The following MLIP variants were observed in gnomAD, a reference collection of about 807,000 sequenced individuals.
The protein encoded by MLIP is muscular LMNA interacting protein.
In MLIP, 79 loss-of-function variants were observed where a neutral mutation model predicts 84.8. That is an observed-to-expected ratio of 0.93 (90% CI 0.78 to 1.12). MLIP has a LOEUF of 1.12. Among genes scored for constraint, MLIP ranks in the 50% most tolerant of loss-of-function variants. MLIP has a pLI of 0.00. For missense variants in MLIP, 1,257 were observed against 1,160.6 expected, an observed-to-expected ratio of 1.08 and a Z score of -1.21; for synonymous variants, 504 against 463.0, an observed-to-expected ratio of 1.09 and a Z score of -1.14.
intron 9 of MLIP, among the ~76,000 whole-genome samples, chr6:54,175,169 A>T (rs1776160396): frequency 1.3e-5 from 2 of 151,488 alleles, no homozygotes; most frequent in Non-Finnish European, 3.0e-5. Context: ...CAGAATTTGG[A>T]GTCAGATAAT....
At chr6:54,120,976 A>G (rs1345927803) in intron 1 of MLIP, among the ~76,000 whole-genome samples, 1 of 152,208 alleles carries the variant, frequency 6.6e-6, no homozygotes, top group Non-Finnish European at 1.5e-5. Flanking sequence ...TCTGATAGGC[A>G]TACTTTCAAC....
At chr6:54,252,251 A>G (rs1235590078) in intron 12 of MLIP, among the ~76,000 whole-genome samples, 1 of 113,234 alleles carries the variant, frequency 8.8e-6, no homozygotes, top group African/African-American at 3.8e-5. Flanking sequence ...TAAGTATAAT[A>G]TATTATAACA....
In MLIP at chr6:54,189,886, C is replaced by G. The variant is rs1458468334; in HGVS notation, c.2561C>G (p.Pro854Arg). The change falls in exon 10 of 14, where the codon CCA becomes CGA. Residue 854 changes from proline (P) to arginine (R), a missense_variant. Transcript: ENST00000502396. ...RETKYANLSS[P>R]SSTVSESQLT... ...GTTTTGCAGGCAAATCTCTCCTCAC[C>G]ATCTTCTACAGTATCTGAGAGTCAG... is the stretch of plus-strand genomic sequence containing the variant. 3 of 1,603,018 alleles carry G rather than the reference C, an allele frequency of 1.9e-6. No individual in the cohort carries two copies. Among genetic ancestry groups the G allele is most frequent in the Admixed American group, 3.3e-5 (2 of 59,810 alleles).
At chr6:54,158,560 CT>C (rs1319859994) in intron 5 of MLIP, among the ~76,000 whole-genome samples, 2 of 152,026 alleles carry the variant, frequency 1.3e-5, no homozygotes, top group African/African-American at 4.8e-5. Context: ...GAAAAACTTC[CT>C]GTTGTAAAAT....
intron 3 of MLIP, among the ~76,000 whole-genome samples, chr6:54,125,550 G>A (rs892932049): frequency 6.6e-6 from 1 of 152,286 alleles, no homozygotes; most frequent in Middle Eastern, 3.4e-3. Flanking sequence ...GAAAGGATGC[G>A]GACAAGGAGG....
At chr6:54,044,540 G>C (rs1315719419) in intron 1 of MLIP, among the ~76,000 whole-genome samples, 2 of 152,016 alleles carry the variant, frequency 1.3e-5, no homozygotes, top group Non-Finnish European at 2.9e-5. Context: ...ATAGGCCCTT[G>C]TGTATTGTTG....
intron 1 of MLIP, among the ~76,000 whole-genome samples, chr6:54,076,743 A>T (rs1444717797): frequency 6.6e-6 from 1 of 152,192 alleles, no homozygotes; most frequent in Non-Finnish European, 1.5e-5. Flanking sequence ...AAAAATATTC[A>T]TCTCCTGTAT....
intron 3 of MLIP, among the ~76,000 whole-genome samples, chr6:54,132,756 A>G (rs1380207884): frequency 6.6e-6 from 1 of 152,198 alleles, no homozygotes; most frequent in Non-Finnish European, 1.5e-5. Flanking sequence ...TCACCAGTCT[A>G]CAGTGACTCA....
chr6:54,115,111 T>C (rs1378002182), intron 1 of MLIP, among the ~76,000 whole-genome samples: 2 of 152,156 alleles, frequency 1.3e-5, no homozygotes, highest in African/African-American at 4.8e-5. Context: ...TATAGTACGA[T>C]TGTTGGGCAG....
At chr6:54,191,605 T>A (rs2150680324) in intron 10 of MLIP, among the ~76,000 whole-genome samples, 1 of 152,248 alleles carries the variant, frequency 6.6e-6, no homozygotes, top group African/African-American at 2.4e-5. Context: ...GGATTTCAAT[T>A]TCTTAATTGA....
At chr6:54,023,060 G>A (rs1398518594) in intron 1 of MLIP, among the ~76,000 whole-genome samples, 1 of 151,812 alleles carries the variant, frequency 6.6e-6, no homozygotes, top group Admixed American at 6.6e-5. Context: ...CCAGCTGCTC[G>A]GGAGGCTGAG....
intron 3 of MLIP, among the ~76,000 whole-genome samples, chr6:54,128,936 G>T (rs1473057361): frequency 6.6e-6 from 1 of 151,000 alleles, no homozygotes; most frequent in African/African-American, 2.4e-5. Flanking sequence ...GTTTTTTTTT[G>T]GAGGGGGGGC....
chr6:54,103,843 A>G (rs947587796), intron 1 of MLIP, among the ~76,000 whole-genome samples: 1 of 152,152 alleles, frequency 6.6e-6, no homozygotes, highest in Non-Finnish European at 1.5e-5. Flanking sequence ...GTATGTGGAA[A>G]CTAATTTAAA....
chr6:54,248,326 A>T (rs1782228730), intron 12 of MLIP, among the ~76,000 whole-genome samples: 1 of 152,158 alleles, frequency 6.6e-6, no homozygotes, highest in African/African-American at 2.4e-5. Flanking sequence ...TAAAGGATAG[A>T]CAAAAAGAAC....
intron 1 of MLIP, among the ~76,000 whole-genome samples, chr6:54,090,188 T>A (rs990561176): frequency 6.6e-6 from 1 of 152,128 alleles, no homozygotes; most frequent in Admixed American, 6.6e-5. Context: ...GGGAATTTGA[T>A]GCTGTGAGAT....
In MLIP at chr6:54,082,965, A is replaced by C. The variant is rs567168053; in HGVS notation, c.64-38482A>C. On this transcript the variant is annotated intron_variant, in intron 1 of 12. Coordinates refer to the MLIP transcript ENST00000274897. ...CTCTAGAAGCAGTTAACTCATGTGT[A>C]ATGTTTTGTATTTGTCTATCTGTTT... 1.6e-3 allele frequency among the ~76,000 whole-genome samples: 250 copies of C among 152,246 alleles called. 1 individual carries two copies. The highest frequency in any genetic ancestry group is 6.8e-3 in the Middle Eastern group (2 of 294).
upstream of MLIP, among the ~76,000 whole-genome samples, chr6:54,110,244 A>G (rs1223270847): frequency 2.0e-5 from 3 of 151,746 alleles, no homozygotes; most frequent in South Asian, 2.1e-4. Flanking sequence ...CGGCCTCCCA[A>G]AGTGCTGGGA....
intron 12 of MLIP, among the ~76,000 whole-genome samples, chr6:54,249,823 G>T (rs1298962784): frequency 6.6e-6 from 1 of 151,506 alleles, no homozygotes; most frequent in Non-Finnish European, 1.5e-5. Context: ...TAAGTTTGGG[G>T]GTCCATTTGC....
intron 12 of MLIP, among the ~76,000 whole-genome samples, chr6:54,236,005 C>T (rs1367843483): frequency 6.6e-6 from 1 of 152,104 alleles, no homozygotes; most frequent in Non-Finnish European, 1.5e-5. Flanking sequence ...TTATTACCTG[C>T]TTGCTGGGAG....
Sources: gnomAD v4.1 joint callset for allele counts (sites outside exome capture counted in the v4.1 genomes callset) on GRCh38, gnomAD v4.1.1 for gene constraint, MANE v1.5 for transcripts, NCBI Gene and HGNC (gene_info 2026-07-23, HGNC 2026-07-21) for gene names.